Variants in CDH23 observed in about 807,000 individuals in gnomAD.
The protein encoded by CDH23 is cadherin related 23, also known as cadherin-23.
CDH23 carries 189 observed loss-of-function variants against 317.1 expected under a neutral mutation model. That is an observed-to-expected ratio of 0.60 (90% CI 0.53 to 0.67). CDH23 has a LOEUF of 0.67. CDH23 is among the 30% of genes least tolerant of loss of function. CDH23 has a pLI of 0.00. For missense variants in CDH23, 4,401 were observed against 4,592.4 expected (o/e 0.96, Z 1.20); for synonymous variants, 1,839 against 1,876.8 (o/e 0.98, Z 0.52).
At chr10:71,548,584 G>A (rs1034676919) in intron 6 of CDH23, among the ~76,000 whole-genome samples, 18 of 152,218 alleles carry the variant, frequency 1.2e-4, no homozygotes, top group Admixed American at 1.2e-3. Flanking sequence ...CAGCCTCCCT[G>A]CAGGTCTCTG....
In CDH23 at chr10:71,446,402, G is replaced by C. The variant is rs763659234; in HGVS notation, c.145+7G>C. 2 of 1,613,840 alleles carry C rather than the reference G, an allele frequency of 1.2e-6. No individual in the cohort carries two copies. The highest frequency in any genetic ancestry group is 1.7e-6 in the Non-Finnish European group (2 of 1,179,752). The stretch of plus-strand genomic sequence containing the variant: ...AGCGAGGACACGCCTGTGGGTGAGT[G>C]GGGGCATGGGCTGGTGGGCGTGCAG... On this transcript the variant is annotated splice_region_variant and intron_variant, in intron 3 of 69. Coordinates refer to ENST00000224721, the MANE Select transcript of CDH23 (RefSeq NM_022124.6).
chr10:71,781,524 A>G (rs9299507), intron 41 of CDH23, among the ~76,000 whole-genome samples: 135,621 of 152,242 alleles, frequency 0.89, 60,534 homozygotes, highest in African/African-American at 0.92. Context: ...TGAGGGGCCC[A>G]CTCTGCACCC....
At chr10:71,518,071 A>ATG (rs59841931) in intron 6 of CDH23, among the ~76,000 whole-genome samples, 15,353 of 150,620 alleles carry the variant, frequency 0.1, 2,578 homozygotes, top group African/African-American at 0.35. Context: ...GTGTGTGTGT[A>ATG]TGTGTGTGTG....
At chr10:71,466,872 A>AG (rs969089500) in intron 3 of CDH23, among the ~76,000 whole-genome samples, 19 of 150,876 alleles carry the variant, frequency 1.3e-4, no homozygotes, top group Non-Finnish European at 2.1e-4. Flanking sequence ...AGACAGCATG[A>AG]GGGGTGTGTG....
intron 11 of CDH23, among the ~76,000 whole-genome samples, chr10:71,627,183 G>C (rs1391942492): frequency 6.6e-6 from 1 of 152,138 alleles, no homozygotes; most frequent in Admixed American, 6.5e-5. Flanking sequence ...TGTTTGCAAG[G>C]CCTCGGTTGT....
At chr10:71,609,663 T>C (rs1038895247) in intron 9 of CDH23, among the ~76,000 whole-genome samples, 3 of 152,212 alleles carry the variant, frequency 2.0e-5, no homozygotes, top group African/African-American at 7.2e-5. Context: ...ATTGCTTCTC[T>C]GTCTCCTTCA....
In CDH23 at chr10:71,731,838, G is replaced by T. The variant is rs1045102708; in HGVS notation, c.3716-149G>T. 3 of 744,454 alleles carry T rather than the reference G, an allele frequency of 4.0e-6. No homozygotes were observed. The Admixed American group carries it at 8.2e-5, about 20-fold the overall frequency. 46.1% of individuals were successfully genotyped at this position (744,454 alleles called of 1,614,324 possible). On this transcript the variant is annotated intron_variant, in intron 31 of 69. Transcript: ENST00000224721. Reference sequence around the variant, plus strand: ...CATTGACCTTAACACATCCTCTGCTGCATCTCTGAGGATGATCCTGCCGGC... The same window carrying T: ...CATTGACCTTAACACATCCTCTGCTTCATCTCTGAGGATGATCCTGCCGGC...
chr10:71,402,087 T>C (rs1196320535), intron 1 of CDH23, among the ~76,000 whole-genome samples: 1 of 152,120 alleles, frequency 6.6e-6, no homozygotes, highest in Non-Finnish European at 1.5e-5. Context: ...CAATGGTGAG[T>C]GGGGTGGGCC....
At chr10:71,723,410 C>G (rs369961341) in intron 28 of CDH23, among the ~76,000 whole-genome samples, 2 of 152,170 alleles carry the variant, frequency 1.3e-5, no homozygotes, top group African/African-American at 2.4e-5. Context: ...ACAACGTCCC[C>G]CCCCACACAC....
chr10:71,691,029 A>G (rs1353806465), intron 20 of CDH23, among the ~76,000 whole-genome samples: 1 of 152,220 alleles, frequency 6.6e-6, no homozygotes, highest in African/African-American at 2.4e-5. Context: ...GGATTAAATG[A>G]TACATAATAG....
At chr10:71,483,098 TA>T (rs770328292) in intron 3 of CDH23, among the ~76,000 whole-genome samples, 11 of 152,304 alleles carry the variant, frequency 7.2e-5, no homozygotes, top group Non-Finnish European at 1.6e-4. Flanking sequence ...GGTCTAACAT[TA>T]AATCACAACT....
At chr10:71,612,154 C>A (rs979774864) in intron 9 of CDH23, among the ~76,000 whole-genome samples, 2 of 152,046 alleles carry the variant, frequency 1.3e-5, no homozygotes, top group African/African-American at 4.8e-5. Context: ...GGCTGTTGGT[C>A]TGGGGAGTTA....
At chr10:71,602,854 A>T (rs1246459900) in intron 9 of CDH23, among the ~76,000 whole-genome samples, 1 of 152,042 alleles carries the variant, frequency 6.6e-6, no homozygotes, top group Non-Finnish European at 1.5e-5. Context: ...AGGTATTCTC[A>T]CCTCCAAAGA....
At chr10:71,724,145 C>G (rs966632787) in intron 29 of CDH23, 40 bp downstream of exon 29, 1 of 1,546,750 alleles carries the variant, frequency 6.5e-7, no homozygotes, top group Non-Finnish European at 8.8e-7. Flanking sequence ...GGTCCTCCTG[C>G]CCAGGGGAGG....
Position 71,813,181 on chromosome 10 carries a change from T to C in CDH23, c.9634-63T>C, listed in dbSNP as rs957513558. 6 of 1,446,222 alleles carry C rather than the reference T, an allele frequency of 4.1e-6. No homozygotes were observed. In the African/African-American group the frequency reaches 7.1e-5, roughly 17 times the overall value. The allele number at this position is 1,446,222 out of a possible 1,614,324, so 89.6% of individuals were successfully genotyped here. A position where few individuals can be genotyped will look rare whatever the true frequency, so the allele number is the denominator to read the frequency against. ...GTGTACCCCTTACTCCCAGAGGGAG[T>C]GGGCGAGGGGCGGGGCAGGCAGGGG... On this transcript the variant is annotated intron_variant, in intron 68 of 69. Coordinates refer to ENST00000224721, the MANE Select transcript of CDH23 (RefSeq NM_022124.6).
intron 53 of CDH23, among the ~76,000 whole-genome samples, chr10:71,801,995 T>C (rs1047325416): frequency 1.3e-5 from 2 of 152,170 alleles, no homozygotes; most frequent in Non-Finnish European, 2.9e-5. Flanking sequence ...CTCTGTGCAC[T>C]GAAAGGGGAT....
rs371565522 is a variant in CDH23, at chr10:71,661,998, G to C, written c.1450-13114G>C. Reference sequence around the variant, plus strand: ...CCCTGCACCATCACGGTGCAGCCCTGGGCTGCGTGGGCCCAGGTGAGTGAG... The same window carrying C: ...CCCTGCACCATCACGGTGCAGCCCTCGGCTGCGTGGGCCCAGGTGAGTGAG... On this transcript the variant is annotated intron_variant, in intron 14 of 69. Transcript: ENST00000224721. Among the ~76,000 whole-genome samples, 104 of 150,288 alleles carry C rather than the reference G, an allele frequency of 6.9e-4. 1 individual carries two copies. In the East Asian group the frequency reaches 0.016, roughly 23 times the overall value.
At chr10:71,500,771 TTTC>T in intron 3 of CDH23, among the ~76,000 whole-genome samples, 1 of 129,852 alleles carries the variant, frequency 7.7e-6, no homozygotes, top group Non-Finnish European at 1.7e-5. Context: ...TTTCTTTTCT[TTTC>T]TTTTCTTTTC....
At chr10:71,772,064 G>T (rs1195316885) in intron 38 of CDH23, among the ~76,000 whole-genome samples, 1 of 152,168 alleles carries the variant, frequency 6.6e-6, no homozygotes, top group African/African-American at 2.4e-5. Context: ...CATGGCCTTG[G>T]TGCTGAGACT....
Sources: gnomAD v4.1 joint callset for allele counts (sites outside exome capture counted in the v4.1 genomes callset) on GRCh38, gnomAD v4.1.1 for gene constraint, MANE v1.5 for transcripts, NCBI Gene and HGNC (gene_info 2026-07-23, HGNC 2026-07-21) for gene names.